Variants in SRP19 observed in about 807,000 individuals in gnomAD.
The protein encoded by SRP19 is signal recognition particle 19 kDa protein.
Under a neutral mutation model 22.4 loss-of-function variants are expected in SRP19, and 11 were observed. The observed-to-expected ratio is 0.49, with a 90% CI of 0.31 to 0.81. SRP19 has a LOEUF of 0.81. SRP19 is among the 40% of genes least tolerant of loss of function. SRP19 has a pLI of 0.05. For synonymous variants in SRP19, 61 were observed against 57.6 expected (o/e 1.06, Z -0.27); for missense variants, 168 against 175.9 (o/e 0.96, Z 0.25).
chr5:112,877,311 T>TA (rs1394724817), intron 4 of SRP19: 2 of 152,190 alleles, frequency 1.3e-5, no homozygotes, highest in South Asian at 2.1e-4. Context: ...TTATTTGCCT[T>TA]AAAAAATACT....
rs1461846594 is a variant in SRP19, at chr5:112,868,121, A to C, written c.*584A>C. 5.1e-6 allele frequency: 5 copies of C among 985,354 alleles called. No individual in the cohort carries two copies. The African/African-American group carries it at 7.0e-5, about 14-fold the overall frequency. The allele number at this position is 985,354 out of a possible 1,614,324, so 61.0% of individuals were successfully genotyped here. On this transcript the variant is annotated 3_prime_UTR_variant, in exon 5 of 5. Transcript: ENST00000505459. ...TCGAATCGTTCAGTTGTTTTTTGAC[A>C]TGGAAAGTCCTGGATTTTAAGCTTT... is the stretch of plus-strand genomic sequence containing the variant.
downstream of SRP19, among the ~76,000 whole-genome samples, chr5:112,871,824 T>G (rs1301730694): frequency 6.6e-6 from 1 of 152,118 alleles, no homozygotes; most frequent in African/African-American, 2.4e-5. Context: ...GCTCAAGCAA[T>G]TCTCTCAAGT....
exon 5 of SRP19, chr5:112,891,820 C>G: frequency 6.3e-7 from 1 of 1,584,210 alleles, no homozygotes; most frequent in Non-Finnish European, 8.7e-7. Flanking sequence ...TATTGAAGAA[C>G]AACAACTAGA....
chr5:112,873,039 T>G (rs1767791355), downstream of SRP19, among the ~76,000 whole-genome samples: 1 of 151,766 alleles, frequency 6.6e-6, no homozygotes, highest in Admixed American at 6.6e-5. Flanking sequence ...ATTATCATGA[T>G]CCTGGTTCCA....
At chr5:112,861,503 C>A in intron 1 of SRP19, 86 bp downstream of exon 1, 2 of 1,454,850 alleles carry the variant, frequency 1.4e-6, no homozygotes, top group Non-Finnish European at 1.9e-6. Flanking sequence ...CGCTCCGCGG[C>A]CTCCAGAATG....
intron 4 of SRP19, among the ~76,000 whole-genome samples, chr5:112,887,530 T>C (rs909380887): frequency 2.6e-5 from 4 of 152,210 alleles, no homozygotes; most frequent in Admixed American, 1.3e-4. Context: ...ATAGTACTTA[T>C]CTGCATGTAT....
At chr5:112,865,088 A>T in intron 4 of SRP19, 1 of 163,874 alleles carries the variant, frequency 6.1e-6, no homozygotes, top group Non-Finnish European at 1.3e-5. Context: ...AATATCTATA[A>T]TATCTAATGA....
intron 4 of SRP19, among the ~76,000 whole-genome samples, chr5:112,884,214 G>T (rs1402928780): frequency 2.0e-5 from 3 of 152,002 alleles, no homozygotes; most frequent in African/African-American, 7.3e-5. Flanking sequence ...CTTTACAATG[G>T]CCTATAAGGC....
downstream of SRP19, chr5:112,893,094 TAAAAAAAAAAA>T (rs552226372): frequency 1.2e-4 from 58 of 500,078 alleles, no homozygotes; most frequent in Non-Finnish European, 1.6e-4. Context: ...GTTTTGTTCT[TAAAAAAAAAAA>T]AAAAAAAAAA....
chr5:112,893,356 G>C, downstream of SRP19: 1 of 221,058 alleles, frequency 4.5e-6, no homozygotes, highest in South Asian at 6.3e-5. Flanking sequence ...GTTGCAGTGA[G>C]TCGACATCAT....
rs1372474984 is a variant in SRP19, at chr5:112,868,304, A to G, written c.*767A>G. The G allele has an allele frequency of 9.1e-6, 9 of 985,782 alleles. No homozygotes were observed. Among genetic ancestry groups the G allele is most frequent in the Admixed American group, 6.1e-5 (1 of 16,280 alleles). The allele number at this position is 985,782 out of a possible 1,614,324, so 61.1% of individuals were successfully genotyped here. ...TTTCTGAAAGTAGTGATTTTGAGCT[A>G]TCCCAATTCCTGTTCTTCCTGAGGC... On this transcript the variant is annotated 3_prime_UTR_variant, in exon 5 of 5. Transcript: ENST00000505459.
At chr5:112,891,999 G>A in exon 5 of SRP19, 1 of 1,282,264 alleles carries the variant, frequency 7.8e-7, no homozygotes, top group Non-Finnish European at 1.1e-6. Context: ...AAGAACAGCA[G>A]AGGAAAGAGA....
intron 4 of SRP19, chr5:112,877,329 CTG>C (rs1767928323): frequency 6.6e-6 from 1 of 152,254 alleles, no homozygotes. Flanking sequence ...ACTGTACTGG[CTG>C]GATATTTAAT....
Position 112,867,649 on chromosome 5 carries a change from T to G in SRP19, c.*112T>G, listed in dbSNP as rs1767651501. ...TTGTTTGCATCATTTAACTGAACTG[T>G]GAACCCTTGTGCCTCTCATCTTTAT... On this transcript the variant is annotated 3_prime_UTR_variant, in exon 5 of 5. Transcript: ENST00000505459. 1 of 1,383,260 alleles carries G rather than the reference T, an allele frequency of 7.2e-7. No individual in the cohort carries two copies. Among genetic ancestry groups the G allele is most frequent in the African/African-American group, 1.4e-5 (1 of 69,142 alleles). The allele number at this position is 1,383,260 out of a possible 1,614,324, so 85.7% of individuals were successfully genotyped here. A position where few individuals can be genotyped will look rare whatever the true frequency, so the allele number is the denominator to read the frequency against.
At chr5:112,893,800 G>A (rs1030313408), downstream of SRP19, 5 of 152,218 alleles carry the variant, frequency 3.3e-5, no homozygotes, top group African/African-American at 7.2e-5. Context: ...GGAAGCCAGC[G>A]CCTTGAGGTA....
intron 4 of SRP19, among the ~76,000 whole-genome samples, chr5:112,875,933 G>C (rs923332235): frequency 2.6e-5 from 4 of 151,920 alleles, no homozygotes; most frequent in African/African-American, 9.7e-5. Flanking sequence ...TGTAGTCCCA[G>C]CTACTCGGGA....
Position 112,868,012 on chromosome 5 carries a change from C to T in SRP19, c.*475C>T, listed in dbSNP as rs1234325558. 34 of 986,034 alleles carry T rather than the reference C, an allele frequency of 3.4e-5. No individual in the cohort carries two copies. Among genetic ancestry groups the T allele is most frequent in the Non-Finnish European group, 4.1e-5 (34 of 830,506 alleles). 61.1% of individuals were successfully genotyped at this position (986,034 alleles called of 1,614,324 possible). On this transcript the variant is annotated 3_prime_UTR_variant, in exon 5 of 5. Coordinates refer to ENST00000505459, the MANE Select transcript of SRP19 (RefSeq NM_003135.3). ...AGTGTGAGGCTAAAACTAGAAGAAA[C>T]TGTGGTAGGTCCTTTTGTGGGTGGG...
At chr5:112,880,817 G>A (rs746538608) in intron 4 of SRP19, among the ~76,000 whole-genome samples, 6 of 152,154 alleles carry the variant, frequency 3.9e-5, no homozygotes, top group Non-Finnish European at 8.8e-5. Flanking sequence ...GAGAAGAAAA[G>A]AAAGCTCTTA....
intron 4 of SRP19, among the ~76,000 whole-genome samples, chr5:112,875,146 A>T (rs1767865838): frequency 1.3e-5 from 2 of 152,230 alleles, no homozygotes; most frequent in Admixed American, 6.5e-5. Flanking sequence ...TAAGATTTTA[A>T]GAGTTAATGT....
Sources: allele counts gnomAD v4.1 joint callset (sites outside exome capture counted in the v4.1 genomes callset), GRCh38; gene constraint gnomAD v4.1.1; transcripts MANE v1.5; gene names NCBI Gene and HGNC (gene_info 2026-07-23, HGNC 2026-07-21).